MTDH: variants seen among roughly 807,000 people sequenced by gnomAD.
The protein encoded by MTDH is protein LYRIC.
MTDH carries 34 observed loss-of-function variants against 72.7 expected under a neutral mutation model. That is an observed-to-expected ratio of 0.47 (90% confidence interval 0.36 to 0.62). The LOEUF (loss-of-function observed/expected upper bound fraction) is 0.62. MTDH is among the 20% of genes least tolerant of loss of function. The probability of loss-of-function intolerance (pLI) is 0.00; values close to 1 mark genes in which losing one functional copy is unlikely to be tolerated. For missense variants in MTDH, 677 were observed against 699.4 expected (o/e 0.97, Z 0.36); for synonymous variants, 266 against 268.9 (o/e 0.99, Z 0.10).
intron 2 of MTDH, among the ~76,000 whole-genome samples, chr8:97,670,270 C>G (rs1347332504): frequency 6.6e-6 from 1 of 152,138 alleles, no homozygotes; most frequent in Admixed American, 6.6e-5. Flanking sequence ...GAGCTGAGAT[C>G]GTGGCACTGC....
intron 7 of MTDH, among the ~76,000 whole-genome samples, 190 bp downstream of exon 7, chr8:97,700,042 G>A (rs537053420): frequency 1.3e-5 from 2 of 152,126 alleles, no homozygotes; most frequent in East Asian, 1.9e-4. Context: ...CTGAATTTTC[G>A]TAATTGAGGC....
At chr8:97,723,977 C>T (rs965012058) in intron 11 of MTDH, among the ~76,000 whole-genome samples, 1 of 151,646 alleles carries the variant, frequency 6.6e-6, no homozygotes, top group Admixed American at 6.6e-5. Context: ...GTGTGCTGGC[C>T]GAACATCTGT....
chr8:97,701,056 CTA>C (rs1814100990), intron 7 of MTDH, among the ~76,000 whole-genome samples: 1 of 152,150 alleles, frequency 6.6e-6, no homozygotes, highest in Non-Finnish European at 1.5e-5. Flanking sequence ...AGTCCCGACT[CTA>C]AAATGTAGTA....
chr8:97,711,337 TAAAAAAA>T (rs540690196), intron 8 of MTDH, among the ~76,000 whole-genome samples: 2 of 130,046 alleles, frequency 1.5e-5, no homozygotes, highest in African/African-American at 5.8e-5. Context: ...TATCTCTAAT[TAAAAAAA>T]AAAAAAAAAG....
In MTDH at chr8:97,699,943, A is replaced by G. The variant is rs1476456819; in HGVS notation, c.1147+91A>G. On this transcript the variant is annotated intron_variant, in intron 7 of 11. Transcript: ENST00000336273. The stretch of plus-strand genomic sequence containing the variant: ...TGCTTTATGTTTTAATTTTAATTCT[A>G]ATTTCTCACCTTTAAAGGTCATAAG... 5.0e-6 allele frequency: 4 copies of G among 793,558 alleles called. No homozygotes were observed. The East Asian group carries it at 8.2e-5, about 16-fold the overall frequency. The allele number at this position is 793,558 out of a possible 1,614,324, so 49.2% of individuals were successfully genotyped here.
intron 8 of MTDH, among the ~76,000 whole-genome samples, chr8:97,712,518 G>A (rs1052621218): frequency 1.3e-5 from 2 of 152,122 alleles, no homozygotes; most frequent in Non-Finnish European, 2.9e-5. Context: ...TCCAGTTTGG[G>A]ACTATTATGA....
chr8:97,706,929 A>G (rs1296893011), intron 8 of MTDH, among the ~76,000 whole-genome samples, 179 bp downstream of exon 8: 1 of 152,182 alleles, frequency 6.6e-6, no homozygotes, highest in East Asian at 1.9e-4. Flanking sequence ...TAAAAATAAA[A>G]TAAAGCAACT....
chr8:97,657,727 C>T (rs558950455), intron 1 of MTDH, among the ~76,000 whole-genome samples: 2 of 152,108 alleles, frequency 1.3e-5, no homozygotes, highest in Non-Finnish European at 2.9e-5. Context: ...GGGCTGGTCT[C>T]GAACTTCTGA....
intron 2 of MTDH, among the ~76,000 whole-genome samples, chr8:97,663,999 A>G (rs900810306): frequency 6.6e-6 from 1 of 152,170 alleles, no homozygotes; most frequent in African/African-American, 2.4e-5. Flanking sequence ...CCAGGCAGAT[A>G]GTTATAGCCC....
chr8:97,717,552 C>T (rs1814922694), intron 9 of MTDH, among the ~76,000 whole-genome samples: 2 of 152,248 alleles, frequency 1.3e-5, no homozygotes, highest in South Asian at 2.1e-4. Flanking sequence ...CATCCTCCAC[C>T]CTGTACCATG....
intron 8 of MTDH, among the ~76,000 whole-genome samples, chr8:97,709,205 A>AG (rs1033943134): frequency 1.3e-5 from 2 of 152,062 alleles, no homozygotes; most frequent in African/African-American, 4.8e-5. Context: ...AAAAAAAAAA[A>AG]AAAACCACCA....
chr8:97,722,552 A>G (rs1050609020), intron 10 of MTDH, among the ~76,000 whole-genome samples: 35 of 152,226 alleles, frequency 2.3e-4, no homozygotes, highest in African/African-American at 8.0e-4. Flanking sequence ...CAGTGAGCCA[A>G]GATTGTGCCA....
intron 2 of MTDH, among the ~76,000 whole-genome samples, chr8:97,683,288 C>G (rs1813216327): frequency 6.6e-6 from 1 of 151,848 alleles, no homozygotes; most frequent in Non-Finnish European, 1.5e-5. Context: ...TGGTCTCGAT[C>G]TCCTAAGCTC....
At chr8:97,679,869 T>C (rs1812999084) in intron 2 of MTDH, among the ~76,000 whole-genome samples, 1 of 152,238 alleles carries the variant, frequency 6.6e-6, no homozygotes, top group Non-Finnish European at 1.5e-5. Flanking sequence ...ATGTTCCATA[T>C]ATTGATTAGC....
chr8:97,711,428 G>A (rs2131061970), intron 8 of MTDH, among the ~76,000 whole-genome samples: 1 of 151,694 alleles, frequency 6.6e-6, no homozygotes, highest in South Asian at 2.1e-4. Context: ...TGTGCAGTGA[G>A]CCTTGATTGC....
At chr8:97,669,777 A>T (rs998862555) in intron 2 of MTDH, among the ~76,000 whole-genome samples, 1 of 152,064 alleles carries the variant, frequency 6.6e-6, no homozygotes, top group Non-Finnish European at 1.5e-5. Flanking sequence ...TTAGCTGGGC[A>T]TGATGGCACA....
intron 6 of MTDH, among the ~76,000 whole-genome samples, chr8:97,693,393 G>T (rs1813696849): frequency 1.3e-5 from 2 of 152,230 alleles, no homozygotes; most frequent in Non-Finnish European, 2.9e-5. Flanking sequence ...CTGGAGTGCA[G>T]TGCAATCTCA....
chr8:97,713,724 A>G lies in MTDH; in HGVS notation c.1335A>G (p.Lys445=). 1 of 1,609,410 alleles carries G rather than the reference A, an allele frequency of 6.2e-7. No individual in the cohort carries two copies. The highest frequency in any genetic ancestry group is 8.5e-7 in the Non-Finnish European group (1 of 1,178,234). ...GALPTGKSKK[K]KKKKKKQGED... ...TTCCAACTGGGAAATCCAAAAAGAA[A>G]AAAAAGAAAAAGAAGAAGCAAGGTG... Residue 445 remains lysine (K), a synonymous_variant, in exon 9 of 12, where the codon AAA becomes AAG. Coordinates refer to ENST00000336273, the MANE Select transcript of MTDH (RefSeq NM_178812.4).
intron 2 of MTDH, among the ~76,000 whole-genome samples, chr8:97,672,930 T>C (rs1049690816): frequency 6.6e-6 from 1 of 151,498 alleles, no homozygotes; most frequent in Admixed American, 6.5e-5. Context: ...ATTTAAATAA[T>C]TTAATGACTT....
Sources: gnomAD v4.1 joint callset for allele counts (sites outside exome capture counted in the v4.1 genomes callset) on GRCh38, gnomAD v4.1.1 for gene constraint, MANE v1.5 for transcripts, NCBI Gene and HGNC (gene_info 2026-07-23, HGNC 2026-07-21) for gene names.